MSL2: variants seen among roughly 807,000 people sequenced by gnomAD.
MSL2 encodes the protein E3 ubiquitin-protein ligase MSL2.
In MSL2, 2 loss-of-function variants were observed where a neutral mutation model predicts 35.8. The observed-to-expected ratio is 0.06, with a 90% CI of 0.02 to 0.18. The LOEUF (loss-of-function observed/expected upper bound fraction) is 0.18. Among genes scored for constraint, MSL2 ranks in the 10% least tolerant of loss-of-function variants. The pLI is 1.00. For synonymous variants in MSL2, 296 were observed against 255.7 expected (o/e 1.16, Z -1.50); for missense variants, 523 against 706.7 (o/e 0.74, Z 2.95).
In MSL2 at chr3:136,151,608, G is replaced by T; in HGVS notation, c.1273C>A (p.Pro425Thr). 6.2e-7 allele frequency: 1 copy of T among 1,614,026 alleles called. No individual in the cohort carries two copies. Among genetic ancestry groups the T allele is most frequent in the Non-Finnish European group, 8.5e-7 (1 of 1,179,992 alleles). The change falls in exon 2 of 2, where the codon CCA (proline) becomes ACA (threonine). Residue 425 changes from proline (P) to threonine (T), a missense_variant. Pro to Thr is a conservative substitution (Grantham distance 38). Transcript: ENST00000309993. This position sits in a 1 kb window ranked among gnomAD's most constrained non-coding sequence, Gnocchi z 5.2. ...GCTTTGTCTTTTTTAAGAATACCTG[G>T]CTTGGTTTTAGAGTGAGATTTCTTG... ...GSKKSHSKTK[P>T]GILKKDKAVK...
rs1940612850 is a variant in MSL2 at position 136,189,184 on chromosome 3, C to T, written c.142+5788G>A. Among the ~76,000 whole-genome samples, 6 of 142,100 alleles carry T rather than the reference C, an allele frequency of 4.2e-5. 1 individual carries two copies. In the Admixed American group the frequency reaches 4.4e-4, roughly 10 times the overall value. 93.2% of individuals were successfully genotyped at this position (142,100 alleles called of 152,430 possible). A position where few individuals can be genotyped will look rare whatever the true frequency, so the allele number is the denominator to read the frequency against. ...GCATGGTACCGCACGCCTACAGTCC[C>T]AACTAATTGAAAGGCTGAGGTGGGA... On this transcript the variant is annotated intron_variant, in intron 1 of 1. Coordinates refer to ENST00000309993, the MANE Select transcript of MSL2 (RefSeq NM_018133.4).
In MSL2 at chr3:136,195,678, G is replaced by A. The variant is rs1433884326; in HGVS notation, c.-565C>T. 93 of 985,342 alleles carry A rather than the reference G, an allele frequency of 9.4e-5. No homozygotes were observed. The highest frequency in any genetic ancestry group is 1.1e-4 in the East Asian group (1 of 8,822). The allele number at this position is 985,342 out of a possible 1,614,324, so 61.0% of individuals were successfully genotyped here. A position where few individuals can be genotyped will look rare whatever the true frequency, so the allele number is the denominator to read the frequency against. ...TAGTGCAAGACGCCGCGGCGGCGACGAAGGTTGATGTTGCGGCTGGCGGAC... is the reference window on the plus strand; with the variant it reads ...TAGTGCAAGACGCCGCGGCGGCGACAAAGGTTGATGTTGCGGCTGGCGGAC... On this transcript the variant is annotated 5_prime_UTR_variant, in exon 1 of 2. Coordinates refer to ENST00000309993, the MANE Select transcript of MSL2 (RefSeq NM_018133.4).
At chr3:136,162,038 A>G (rs976713625) in intron 1 of MSL2, among the ~76,000 whole-genome samples, 5 of 151,816 alleles carry the variant, frequency 3.3e-5, no homozygotes, top group Admixed American at 6.6e-5. Context: ...CCTGGGTTCA[A>G]GCAATTCTCC....
intron 1 of MSL2, among the ~76,000 whole-genome samples, chr3:136,157,336 G>A (rs761023112): frequency 6.6e-6 from 1 of 152,044 alleles, no homozygotes; most frequent in Non-Finnish European, 1.5e-5. Flanking sequence ...GTAAAACCCT[G>A]TCTCTACTAA....
chr3:136,186,741 A>G (rs960153668), intron 1 of MSL2, among the ~76,000 whole-genome samples: 2 of 152,212 alleles, frequency 1.3e-5, no homozygotes, highest in Admixed American at 6.5e-5. Flanking sequence ...AGTGAACTCT[A>G]TAATTATTTC....
rs369819303 is a variant in MSL2, at chr3:136,152,172, G to C, written c.709C>G (p.Pro237Ala). 1.2e-6 allele frequency: 2 copies of C among 1,614,176 alleles called. No individual in the cohort carries two copies. Among genetic ancestry groups the C allele is most frequent in the East Asian group, 2.2e-5 (1 of 44,886 alleles). ...KTEDLSDSLP[P>A]VCDTVATDLC... ...TCAGTGGCTACTGTGTCACAAACGG[G>C]TGGCAGGCTGTCAGACAGATCCTCA... is the stretch of plus-strand genomic sequence containing the variant. The change falls in exon 2 of 2, where the codon CCC (proline) becomes GCC (alanine). Residue 237 changes from proline (P) to alanine (A), a missense_variant. This residue lies in a region of MSL2 where 361 missense variants were observed against 414.6 expected (regional missense o/e 0.87). Coordinates refer to ENST00000309993, the MANE Select transcript of MSL2 (RefSeq NM_018133.4).
In MSL2 at chr3:136,182,661, G is replaced by C. The variant is rs575331935; in HGVS notation, c.142+12311C>G. ...GAGATGAGAGAGCTGCACAGAGAAA[G>C]AGGTCCAGCGCACCACTGCACTCCA... On this transcript the variant is annotated intron_variant, in intron 1 of 1. Transcript: ENST00000309993. 1.1e-4 allele frequency among the ~76,000 whole-genome samples: 16 copies of C among 151,376 alleles called. No homozygotes were observed. The East Asian group carries it at 2.9e-3, about 28-fold the overall frequency.
rs547649028 is a variant in MSL2 at position 136,159,048 on chromosome 3, C to A, written c.143-6310G>T. ...AATTGATGTGTCTGTAAGTTCAATG[C>A]AATCTTTAATCCCAGGCAGCTTTTT... On this transcript the variant is annotated intron_variant, in intron 1 of 1. Coordinates refer to ENST00000309993, the MANE Select transcript of MSL2 (RefSeq NM_018133.4). Among the ~76,000 whole-genome samples, 6 of 152,260 alleles carry A rather than the reference C, an allele frequency of 3.9e-5. No homozygotes were observed. The South Asian group carries it at 1.2e-3, about 32-fold the overall frequency.
intron 1 of MSL2, among the ~76,000 whole-genome samples, chr3:136,180,798 G>GAGGT (rs1940328190): frequency 1.1e-5 from 1 of 89,694 alleles, no homozygotes; most frequent in Non-Finnish European, 2.5e-5. Context: ...GGGAGGGAGG[G>GAGGT]AGGGAGGGAG....
In MSL2 at chr3:136,158,319, T is replaced by A. The variant is rs1476999397; in HGVS notation, c.143-5581A>T. On this transcript the variant is annotated intron_variant, in intron 1 of 1. Transcript: ENST00000309993. The stretch of plus-strand genomic sequence containing the variant: ...TAAATCATCTCAAAAAAATTAAAAT[T>A]AAAAAAAAAAAAAAGAAAATACAAA... Among the ~76,000 whole-genome samples, 362 of 122,956 alleles carry A rather than the reference T, an allele frequency of 2.9e-3. 5 individuals carry two copies. Among genetic ancestry groups the A allele is most frequent in the Admixed American group, 0.018 (229 of 12,436 alleles). The allele number at this position is 122,956 out of a possible 152,430, so 80.7% of individuals were successfully genotyped here.
chr3:136,155,491 A>G, intron 1 of MSL2: 1 of 179,072 alleles, frequency 5.6e-6, no homozygotes, highest in Non-Finnish European at 1.2e-5. Context: ...CCTGGGCAAT[A>G]AGAGCAAAAC....
At chr3:136,155,849 C>T (rs1184977924) in intron 1 of MSL2, 2 of 578,524 alleles carry the variant, frequency 3.5e-6, no homozygotes, top group African/African-American at 3.8e-5. Context: ...CTGGCATGGC[C>T]AGCTCCGCTG....
chr3:136,184,795 A>G (rs1305208092), intron 1 of MSL2, among the ~76,000 whole-genome samples: 1 of 144,838 alleles, frequency 6.9e-6, no homozygotes, highest in African/African-American at 2.6e-5. Context: ...GGACAAACTG[A>G]GGAGGACATA....
At chr3:136,177,786 C>A (rs1344387612) in intron 1 of MSL2, among the ~76,000 whole-genome samples, 1 of 151,202 alleles carries the variant, frequency 6.6e-6, no homozygotes, top group African/African-American at 2.4e-5. Context: ...AACTAAATAC[C>A]ATTATATTTG....
chr3:136,169,392 TC>T (rs1465450139), intron 1 of MSL2, among the ~76,000 whole-genome samples: 6 of 152,288 alleles, frequency 3.9e-5, no homozygotes, highest in African/African-American at 1.4e-4. Flanking sequence ...ATTTATCATT[TC>T]CTTGTGTTGG....
intron 1 of MSL2, among the ~76,000 whole-genome samples, chr3:136,154,671 T>C (rs944581893): frequency 2.0e-5 from 3 of 152,170 alleles, no homozygotes; most frequent in Admixed American, 2.0e-4. Flanking sequence ...AGAAAACATT[T>C]ACCAAATGAA....
intron 1 of MSL2, among the ~76,000 whole-genome samples, chr3:136,184,417 A>G (rs1940453515): frequency 6.6e-6 from 1 of 152,044 alleles, no homozygotes; most frequent in African/African-American, 2.4e-5. Context: ...CCTGGCCAAC[A>G]TGGTGAAACC....
chr3:136,188,807 G>A (rs1940596781), intron 1 of MSL2, among the ~76,000 whole-genome samples: 1 of 150,064 alleles, frequency 6.7e-6, no homozygotes, highest in Non-Finnish European at 1.5e-5. Context: ...GATCTTACCA[G>A]ACTGAAACAG....
At chr3:136,194,677 A>T in intron 1 of MSL2, 1 of 317,942 alleles carries the variant, frequency 3.1e-6, no homozygotes, top group East Asian at 9.8e-5. Flanking sequence ...AAAAAAAAAA[A>T]GCCTTGTGCA....
Sources: allele counts gnomAD v4.1 joint callset (sites outside exome capture counted in the v4.1 genomes callset), GRCh38; gene constraint gnomAD v4.1.1; regional missense constraint gnomAD v4.1.1; non-coding constraint Gnocchi (gnomAD v3.1); transcripts MANE v1.5; gene names NCBI Gene and HGNC (gene_info 2026-07-23, HGNC 2026-07-21).